Variants in NT5DC1 observed in about 807,000 individuals in gnomAD.
NT5DC1 encodes the protein 5'-nucleotidase domain-containing protein 1.
In NT5DC1, 42 loss-of-function variants were observed where a neutral mutation model predicts 59.4. The observed-to-expected ratio is 0.71, with a 90% CI of 0.55 to 0.92. The LOEUF (loss-of-function observed/expected upper bound fraction) is 0.92. Ranked by LOEUF, NT5DC1 falls within the 40% of genes least tolerant of loss-of-function variation. The probability of loss-of-function intolerance (pLI) is 0.00; values close to 1 mark genes in which losing one functional copy is unlikely to be tolerated. For missense variants in NT5DC1, 501 were observed against 537.1 expected, an observed-to-expected ratio of 0.93 and a Z score of 0.66; for synonymous variants, 172 against 188.1, an observed-to-expected ratio of 0.91 and a Z score of 0.70.
chr6:116,110,664 A>G, intron 3 of NT5DC1, 186 bp from the exon 4 acceptor site: 1 of 675,804 alleles, frequency 1.5e-6, no homozygotes, highest in Non-Finnish European at 2.7e-6. Context: ...TAAAGCGGGT[A>G]AGTGCTACAG....
chr6:116,143,710 A>G (rs1582831501), intron 6 of NT5DC1, among the ~76,000 whole-genome samples: 1 of 152,194 alleles, frequency 6.6e-6, no homozygotes, highest in Non-Finnish European at 1.5e-5. Flanking sequence ...TGTTTGATAT[A>G]TAATTTTAAA....
intron 6 of NT5DC1, among the ~76,000 whole-genome samples, chr6:116,153,953 G>C (rs1780116332): frequency 6.6e-6 from 1 of 151,270 alleles, no homozygotes; most frequent in South Asian, 2.1e-4. Context: ...GTGTAAAGCT[G>C]TATGTATTGC....
intron 6 of NT5DC1, among the ~76,000 whole-genome samples, chr6:116,171,003 C>G (rs961205940): frequency 7.2e-5 from 11 of 152,246 alleles, no homozygotes; most frequent in African/African-American, 2.6e-4. Context: ...TAGCCTGTTA[C>G]CACCCTACCA....
intron 6 of NT5DC1, among the ~76,000 whole-genome samples, chr6:116,151,155 G>A (rs369937558): frequency 1.3e-5 from 2 of 151,794 alleles, no homozygotes; most frequent in African/African-American, 4.8e-5. Flanking sequence ...TTTTGCTTCC[G>A]GGCAGCTATC....
chr6:116,152,147 G>A (rs1161012822), intron 6 of NT5DC1, among the ~76,000 whole-genome samples: 2 of 152,084 alleles, frequency 1.3e-5, no homozygotes, highest in Non-Finnish European at 2.9e-5. Flanking sequence ...CAGTGCCTTC[G>A]TTTTCATTAT....
intron 8 of NT5DC1, among the ~76,000 whole-genome samples, chr6:116,230,917 A>T (rs1782005780): frequency 6.6e-6 from 1 of 152,020 alleles, no homozygotes; most frequent in Admixed American, 6.6e-5. Flanking sequence ...TGAATCCATC[A>T]GCGAACTAGT....
intron 6 of NT5DC1, among the ~76,000 whole-genome samples, chr6:116,175,160 T>C (rs1472478600): frequency 6.6e-6 from 1 of 152,214 alleles, no homozygotes; most frequent in Non-Finnish European, 1.5e-5. Context: ...CTGACTCATA[T>C]ATACATTTGT....
At chr6:116,106,005 G>T (rs1778759998) in intron 1 of NT5DC1, among the ~76,000 whole-genome samples, 1 of 152,184 alleles carries the variant, frequency 6.6e-6, no homozygotes, top group Admixed American at 6.5e-5. Context: ...GTTAATAATT[G>T]TCTTTGGTTG....
intron 4 of NT5DC1, among the ~76,000 whole-genome samples, chr6:116,113,680 A>G (rs1434920012): frequency 1.3e-5 from 2 of 152,130 alleles, no homozygotes; most frequent in Non-Finnish European, 2.9e-5. Flanking sequence ...GTGGGTGAAA[A>G]CCAATGAGCT....
At chr6:116,107,011 C>T (rs989774806) in intron 2 of NT5DC1, among the ~76,000 whole-genome samples, 6 of 151,674 alleles carry the variant, frequency 4.0e-5, no homozygotes, top group Non-Finnish European at 7.4e-5. Context: ...GGCAACATGA[C>T]GAAACCCCAA....
chr6:116,110,939 G>A lies in NT5DC1; in HGVS notation c.347G>A (p.Gly116Glu). 4 of 1,612,298 alleles carry A rather than the reference G, an allele frequency of 2.5e-6. No homozygotes were observed. The highest frequency in any genetic ancestry group is 3.4e-6 in the Non-Finnish European group (4 of 1,178,362). The change falls in exon 4 of 12, where the codon GGA becomes GAA. Residue 116 changes from glycine to glutamate, a missense_variant. By Grantham distance (98) the Gly-to-Glu change is moderately conservative. Transcript: ENST00000319550. ...TGGAAGCACTTCTTGTCGGACACTG[G>A]AATGGCTTGCCGCTCAGGTATGACT... ...KEWKHFLSDT[G>E]MACRSGKYYF... is the part of the protein sequence containing the mutation.
chr6:116,163,141 A>AAAATATATATATATATATAT (rs761718922), intron 6 of NT5DC1, among the ~76,000 whole-genome samples: 14 of 88,390 alleles, frequency 1.6e-4, no homozygotes, highest in African/African-American at 7.5e-4. Context: ...AAAAAAAAAA[A>AAAATATATATATATATATAT]ATATATATAT....
In NT5DC1 at chr6:116,117,904, T is replaced by TTG; in HGVS notation, c.489_490dup (p.Ala164ValfsTer24). The TTG allele has an allele frequency of 6.3e-7, 1 of 1,588,742 alleles. No homozygotes were observed. The highest frequency in any genetic ancestry group is 8.6e-7 in the Non-Finnish European group (1 of 1,157,350). The stretch of plus-strand genomic sequence containing the variant: ...ACATTTGATTTTTGGAAGGATATAG[T>TTG]TGCTGCTATACAACACAATTATAAA... On this transcript the variant is annotated frameshift_variant, in exon 6 of 12. Transcript: ENST00000319550. LOFTEE classifies it high-confidence loss of function.
At chr6:116,228,279 C>T (rs1444965226) in intron 8 of NT5DC1, among the ~76,000 whole-genome samples, 6 of 152,160 alleles carry the variant, frequency 3.9e-5, no homozygotes, top group African/African-American at 9.7e-5. Context: ...GAGGCTGAGG[C>T]GGACGAATCA....
intron 6 of NT5DC1, chr6:116,121,810 T>C (rs1221132550): frequency 6.2e-7 from 1 of 1,613,852 alleles, no homozygotes. Context: ...CTACAGCTGA[T>C]GGTCCCGGTG....
chr6:116,223,803 G>C (rs1476367147), intron 8 of NT5DC1, among the ~76,000 whole-genome samples: 1 of 152,136 alleles, frequency 6.6e-6, no homozygotes, highest in Non-Finnish European at 1.5e-5. Flanking sequence ...ATTAACATTT[G>C]AGGACCATTC....
intron 6 of NT5DC1, among the ~76,000 whole-genome samples, chr6:116,151,281 A>G (rs1232311259): frequency 6.6e-6 from 1 of 152,226 alleles, no homozygotes; most frequent in Admixed American, 6.5e-5. Flanking sequence ...TGATGAGCAT[A>G]TCAGCCATCT....
intron 11 of NT5DC1, among the ~76,000 whole-genome samples, chr6:116,242,183 A>C (rs536634370): frequency 4.6e-5 from 7 of 151,664 alleles, no homozygotes; most frequent in African/African-American, 1.5e-4. Context: ...ATCTTGGCTA[A>C]CACGGTGAAA....
intron 5 of NT5DC1, among the ~76,000 whole-genome samples, chr6:116,117,109 T>C (rs1778978647): frequency 6.6e-6 from 1 of 152,220 alleles, no homozygotes; most frequent in Non-Finnish European, 1.5e-5. Flanking sequence ...AACTAGCTTT[T>C]GGGGTTTTAG....
Sources: gnomAD v4.1 joint callset for allele counts (sites outside exome capture counted in the v4.1 genomes callset) on GRCh38, gnomAD v4.1.1 for gene constraint, MANE v1.5 for transcripts, NCBI Gene and HGNC (gene_info 2026-07-23, HGNC 2026-07-21) for gene names.